Variants in SLC7A14 observed in about 807,000 individuals in gnomAD.
SLC7A14 encodes the protein gamma-aminobutyric acid transporter SLC7A14.
In SLC7A14, 37 loss-of-function variants were observed where a neutral mutation model predicts 60.2. The ratio of observed to expected loss-of-function variants is 0.61; its 90% CI spans 0.47 to 0.81. The LOEUF (loss-of-function observed/expected upper bound fraction) is 0.81. Among genes scored for constraint, SLC7A14 ranks in the 30% least tolerant of loss-of-function variants. The probability of loss-of-function intolerance (pLI) is 0.00; values close to 1 mark genes in which losing one functional copy is unlikely to be tolerated. For missense variants in SLC7A14, 886 were observed against 982.7 expected (o/e 0.90, Z 1.32); for synonymous variants, 399 against 395.8 (o/e 1.01, Z -0.10).
At chr3:170,514,355 T>C (rs1249961956) in intron 2 of SLC7A14, among the ~76,000 whole-genome samples, 1 of 152,248 alleles carries the variant, frequency 6.6e-6, no homozygotes, top group East Asian at 1.9e-4. Context: ...TCTCAGGTGT[T>C]TATCCCATGG....
chr3:170,541,326 T>A (rs923231569), intron 1 of SLC7A14, among the ~76,000 whole-genome samples: 1 of 152,190 alleles, frequency 6.6e-6, no homozygotes, highest in Non-Finnish European at 1.5e-5. Flanking sequence ...GGCCAGGTGT[T>A]ATGGTTCACA....
chr3:170,575,619 C>T (rs961862359), intron 1 of SLC7A14, among the ~76,000 whole-genome samples: 1 of 152,128 alleles, frequency 6.6e-6, no homozygotes, highest in Non-Finnish European at 1.5e-5. Context: ...CAATTGATGG[C>T]TAAAATTCCC....
intron 1 of SLC7A14, among the ~76,000 whole-genome samples, chr3:170,563,208 C>T (rs890337809): frequency 6.6e-6 from 1 of 152,118 alleles, no homozygotes; most frequent in African/African-American, 2.4e-5. Context: ...CTTCTATCAA[C>T]ACCCTTCCAT....
At chr3:170,565,271 G>A (rs910868516) in intron 1 of SLC7A14, among the ~76,000 whole-genome samples, 4 of 152,122 alleles carry the variant, frequency 2.6e-5, no homozygotes, top group African/African-American at 9.7e-5. Context: ...GGAGGTGATG[G>A]CTCTCAACTG....
At position 170,461,179 on chromosome 3, in the gene SLC7A14, G is replaced by C. The variant is rs563425257; in HGVS notation, c.*5876C>G. ...TCCACCCGCCTCGGCCTCCCAAAGT[G>C]CTGGGATTACAGGCATGAGCCACTG... On this transcript the variant is annotated 3_prime_UTR_variant, in exon 8 of 8. Coordinates refer to ENST00000231706, the MANE Select transcript of SLC7A14 (RefSeq NM_020949.3). 7 of 152,518 alleles carry C rather than the reference G, an allele frequency of 4.6e-5. No homozygotes were observed. Among genetic ancestry groups the C allele is most frequent in the African/African-American group, 1.7e-4 (7 of 41,576 alleles). The allele number at this position is 152,518 out of a possible 1,614,324, so 9.4% of individuals were successfully genotyped here. A position where few individuals can be genotyped will look rare whatever the true frequency, so the allele number is the denominator to read the frequency against.
chr3:170,533,650 AGTGTGTGTGT>A lies in SLC7A14; in HGVS notation c.-152-6572_-152-6563del, dbSNP rs55850380. On this transcript the variant is annotated intron_variant, in intron 1 of 7. Transcript: ENST00000231706. The stretch of plus-strand genomic sequence containing the variant: ...GAGATGTTTTTGATCCATCTGGCCC[AGTGTGTGTGT>A]GTGTGTGTGTGTGTGTGTGGTGTGT... Among the ~76,000 whole-genome samples, 488 of 149,068 alleles carry A rather than the reference AGTGTGTGTGT, an allele frequency of 3.3e-3. 2 individuals carry two copies. Among genetic ancestry groups the A allele is most frequent in the African/African-American group, 0.011 (448 of 40,872 alleles).
At chr3:170,503,744 A>G (rs899324368) in intron 2 of SLC7A14, among the ~76,000 whole-genome samples, 19 of 152,370 alleles carry the variant, frequency 1.2e-4, no homozygotes, top group Non-Finnish European at 7.3e-5. Context: ...CATTCTCTCC[A>G]TAACATTCGA....
intron 5 of SLC7A14, among the ~76,000 whole-genome samples, chr3:170,484,003 T>G (rs1203637618): frequency 4.6e-5 from 7 of 152,188 alleles, no homozygotes; most frequent in Non-Finnish European, 1.0e-4. Context: ...ACACCAGAGA[T>G]AAAATCTCCA....
Position 170,463,680 on chromosome 3 carries a change from G to A in SLC7A14, c.*3375C>T, listed in dbSNP as rs917715592. ...TCATAGGCACATGCCACCACACCAA[G>A]CTCTATTTCCTCTACTTCTTAAGAG... On this transcript the variant is annotated 3_prime_UTR_variant, in exon 8 of 8. Transcript: ENST00000231706. 1.3e-5 allele frequency: 2 copies of A among 152,142 alleles called. No individual in the cohort carries two copies. Among genetic ancestry groups the A allele is most frequent in the Non-Finnish European group, 2.9e-5 (2 of 68,068 alleles). The allele number at this position is 152,142 out of a possible 1,614,324, so 9.4% of individuals were successfully genotyped here.
At chr3:170,572,030 C>T (rs1714968743) in intron 1 of SLC7A14, among the ~76,000 whole-genome samples, 1 of 129,548 alleles carries the variant, frequency 7.7e-6, no homozygotes, top group African/African-American at 2.9e-5. Flanking sequence ...CACTGCACTT[C>T]AGCCTGGGCA....
intron 2 of SLC7A14, among the ~76,000 whole-genome samples, chr3:170,505,417 T>G (rs1712746726): frequency 1.3e-5 from 2 of 152,228 alleles, no homozygotes; most frequent in Non-Finnish European, 2.9e-5. Context: ...TTATTCAAAA[T>G]TACTTTCCTT....
At chr3:170,481,243 G>A (rs1039166149) in intron 6 of SLC7A14, 77 bp from the exon 7 acceptor site, 1 of 1,457,190 alleles carries the variant, frequency 6.9e-7, no homozygotes, top group Non-Finnish European at 9.2e-7. Flanking sequence ...TAGGGAGCTA[G>A]AACTATCAAT....
rs925759873 is a variant in SLC7A14 at position 170,465,448 on chromosome 3, T to C, written c.*1607A>G. Reference sequence around the variant, plus strand: ...TGGGTCTATTCTCAACCAGTGTTAGTTGAATGAAAAAATGGACTTTTACCT... The same window carrying C: ...TGGGTCTATTCTCAACCAGTGTTAGCTGAATGAAAAAATGGACTTTTACCT... On this transcript the variant is annotated 3_prime_UTR_variant, in exon 8 of 8. Coordinates refer to ENST00000231706, the MANE Select transcript of SLC7A14 (RefSeq NM_020949.3). The C allele has an allele frequency of 2.6e-5, 4 of 152,252 alleles. No homozygotes were observed. The highest frequency in any genetic ancestry group is 5.9e-5 in the Non-Finnish European group (4 of 68,042). The allele number at this position is 152,252 out of a possible 1,614,324, so 9.4% of individuals were successfully genotyped here. A position where few individuals can be genotyped will look rare whatever the true frequency, so the allele number is the denominator to read the frequency against.
intron 1 of SLC7A14, among the ~76,000 whole-genome samples, chr3:170,561,739 C>T (rs1464411341): frequency 6.6e-6 from 1 of 152,168 alleles, no homozygotes; most frequent in East Asian, 1.9e-4. Context: ...ACAATCTATA[C>T]ACCTGGCAAA....
intron 4 of SLC7A14, among the ~76,000 whole-genome samples, chr3:170,493,904 T>C (rs1182181933): frequency 6.6e-6 from 1 of 152,174 alleles, no homozygotes; most frequent in Non-Finnish European, 1.5e-5. Flanking sequence ...TTAGGCACAT[T>C]CACTAGGACA....
Position 170,495,574 on chromosome 3 carries a change from G to C in SLC7A14, c.759+3093C>G, listed in dbSNP as rs188961259. On this transcript the variant is annotated intron_variant, in intron 4 of 7. Coordinates refer to ENST00000231706, the MANE Select transcript of SLC7A14 (RefSeq NM_020949.3). ...AGCCTCTCCCGAGTGAGCAGCAGCAGCTTCCGGGGTGGCCTGGGCAGAGGC... is the reference window on the plus strand; with the variant it reads ...AGCCTCTCCCGAGTGAGCAGCAGCACCTTCCGGGGTGGCCTGGGCAGAGGC... 5.4e-4 allele frequency: 414 copies of C among 762,578 alleles called. 3 individuals are homozygous for C. In the African/African-American group the frequency reaches 5.5e-3, roughly 10 times the overall value. 47.2% of individuals were successfully genotyped at this position (762,578 alleles called of 1,614,324 possible).
chr3:170,551,167 C>T (rs1457338056), intron 1 of SLC7A14, among the ~76,000 whole-genome samples: 1 of 152,136 alleles, frequency 6.6e-6, no homozygotes, highest in Non-Finnish European at 1.5e-5. Context: ...TTGTATCTGG[C>T]TTCTTTCACT....
intron 6 of SLC7A14, among the ~76,000 whole-genome samples, chr3:170,482,531 A>G (rs995827184): frequency 4.6e-5 from 7 of 152,262 alleles, no homozygotes; most frequent in Admixed American, 2.0e-4. Context: ...ATGCCTTCTC[A>G]GCAGGCCCCT....
At chr3:170,508,413 T>C (rs1479428747) in intron 2 of SLC7A14, among the ~76,000 whole-genome samples, 1 of 152,218 alleles carries the variant, frequency 6.6e-6, no homozygotes, top group Non-Finnish European at 1.5e-5. Context: ...AGGTTGCTGA[T>C]ATCAGGCCCT....
Sources: gnomAD v4.1 joint callset for allele counts (sites outside exome capture counted in the v4.1 genomes callset) on GRCh38, gnomAD v4.1.1 for gene constraint, MANE v1.5 for transcripts, NCBI Gene and HGNC (gene_info 2026-07-23, HGNC 2026-07-21) for gene names.